CLTCL1: variants seen among roughly 807,000 people sequenced by gnomAD.
The protein encoded by CLTCL1 is clathrin heavy chain like 1.
Under a neutral mutation model 190.0 loss-of-function variants are expected in CLTCL1, and 159 were observed. That is an observed-to-expected ratio of 0.84 (90% CI 0.74 to 0.95). The LOEUF (loss-of-function observed/expected upper bound fraction) is 0.95. Among genes scored for constraint, CLTCL1 ranks in the 40% least tolerant of loss-of-function variants. The pLI is 0.00. For missense variants in CLTCL1, 1,878 were observed against 2,033.4 expected, an observed-to-expected ratio of 0.92 and a Z score of 1.47; for synonymous variants, 752 against 769.6, an observed-to-expected ratio of 0.98 and a Z score of 0.38.
At chr22:19,221,644 A>C in intron 16 of CLTCL1, 33 bp from the exon 17 acceptor site, 1 of 1,528,942 alleles carries the variant, frequency 6.5e-7, no homozygotes. Context: ...TAAAGTCTCA[A>C]GGCTACCACT....
At chr22:19,211,387 G>T (rs1383839804) in intron 19 of CLTCL1, among the ~76,000 whole-genome samples, 1 of 152,136 alleles carries the variant, frequency 6.6e-6, no homozygotes, top group African/African-American at 2.4e-5. Context: ...TGTGCTGGAG[G>T]TTCTGGTTAA....
In CLTCL1 at chr22:19,200,216, G is replaced by A. The variant is rs59081331; in HGVS notation, c.3766-375C>T. On this transcript the variant is annotated intron_variant, in intron 23 of 32. Transcript: ENST00000427926. ...ATCTGAGTGTTGTTTTCACGGGGGA[G>A]CTTGTTTTAATAGTTTTTTAGACTA... Among the ~76,000 whole-genome samples the A allele has an allele frequency of 9.4e-3, 1,434 of 152,280 alleles. 34 individuals carry two copies. The highest frequency in any genetic ancestry group is 0.069 in the East Asian group (357 of 5,190).
intron 29 of CLTCL1, among the ~76,000 whole-genome samples, chr22:19,185,783 T>C (rs1274108176): frequency 6.6e-6 from 1 of 152,218 alleles, no homozygotes; most frequent in Non-Finnish European, 1.5e-5. Flanking sequence ...GCTGTGTGTT[T>C]AAGCCCCTGA....
At chr22:19,287,641 T>G (rs1246550411) in intron 1 of CLTCL1, among the ~76,000 whole-genome samples, 1 of 152,114 alleles carries the variant, frequency 6.6e-6, no homozygotes, top group Non-Finnish European at 1.5e-5. Context: ...AAAGCTAGCA[T>G]GACCATCAAG....
chr22:19,232,943 A>G lies in CLTCL1; in HGVS notation c.1521+223T>C, dbSNP rs376944658. ...AGAGAGGGAGAGAAAAAACAAGATAAAGCTCCCAAATAAAACGAAGATGGA... is the reference window on the plus strand; with the variant it reads ...AGAGAGGGAGAGAAAAAACAAGATAGAGCTCCCAAATAAAACGAAGATGGA... On this transcript the variant is annotated intron_variant, in intron 9 of 32. Transcript: ENST00000427926. The G allele has an allele frequency of 1.5e-4, 89 of 589,438 alleles. No homozygotes were observed. In the African/African-American group the frequency reaches 1.5e-3, roughly 10 times the overall value. 36.5% of individuals were successfully genotyped at this position (589,438 alleles called of 1,614,324 possible). A position where few individuals can be genotyped will look rare whatever the true frequency, so the allele number is the denominator to read the frequency against.
intron 1 of CLTCL1, among the ~76,000 whole-genome samples, chr22:19,287,590 G>C (rs1431286253): frequency 6.6e-6 from 1 of 152,148 alleles, no homozygotes; most frequent in Non-Finnish European, 1.5e-5. Context: ...CTGTGTGCTG[G>C]AGAATGGATC....
Position 19,233,563 on chromosome 22 carries a change from G to A in CLTCL1, c.1227C>T (p.Gly409=). 6.2e-7 allele frequency: 1 copy of A among 1,613,796 alleles called. No homozygotes were observed. The change falls in exon 8 of 33, where the codon GGC becomes GGT. Residue 409 remains glycine (G), a synonymous_variant. Transcript: ENST00000427926. Reference sequence around the variant, plus strand: ...AGTACTGCAGCAATGGAGAAGCCTGGCCAGACTGAGCGGGTATACTCTGGA... The same window carrying A: ...AGTACTGCAGCAATGGAGAAGCCTGACCAGACTGAGCGGGTATACTCTGGA... ...QKFQSIPAQS[G]QASPLLQYFG...
intron 3 of CLTCL1, among the ~76,000 whole-genome samples, chr22:19,249,161 C>T (rs1430490136): frequency 2.0e-5 from 3 of 152,104 alleles, no homozygotes; most frequent in Admixed American, 6.5e-5. Context: ...GAGTTTGAGA[C>T]CATCCTGGCT....
chr22:19,220,494 A>G (rs1555951720), intron 17 of CLTCL1, among the ~76,000 whole-genome samples: 2 of 152,242 alleles, frequency 1.3e-5, no homozygotes, highest in African/African-American at 4.8e-5. Flanking sequence ...TCAAGATCTA[A>G]AAACTGTAAA....
intron 20 of CLTCL1, chr22:19,209,441 AG>A (rs747214609): frequency 8.7e-5 from 20 of 229,490 alleles, no homozygotes; most frequent in Non-Finnish European, 1.6e-4. Context: ...AACAGAGCAT[AG>A]AAACTGTAAA....
At chr22:19,265,097 A>G (rs2087077603) in intron 2 of CLTCL1, among the ~76,000 whole-genome samples, 1 of 152,280 alleles carries the variant, frequency 6.6e-6, no homozygotes, top group Non-Finnish European at 1.5e-5. Context: ...CCGAAATTTG[A>G]TACAATTTAT....
intron 13 of CLTCL1, among the ~76,000 whole-genome samples, chr22:19,224,287 AT>A (rs1555954499): frequency 6.6e-6 from 1 of 152,188 alleles, no homozygotes; most frequent in Non-Finnish European, 1.5e-5. Flanking sequence ...AATACTAGAT[AT>A]TTGGTACAAG....
At chr22:19,205,880 T>C (rs1328784709) in intron 22 of CLTCL1, among the ~76,000 whole-genome samples, 1 of 152,134 alleles carries the variant, frequency 6.6e-6, no homozygotes, top group Non-Finnish European at 1.5e-5. Context: ...CAGAATTACA[T>C]GATGAACTTT....
intron 2 of CLTCL1, chr22:19,257,987 A>G (rs1306452886): frequency 3.3e-6 from 2 of 604,214 alleles, no homozygotes; most frequent in African/African-American, 1.9e-5. Flanking sequence ...GCACACTGAC[A>G]ATGCCCATCT....
In CLTCL1 at chr22:19,245,759, T is replaced by A. The variant is rs73377869; in HGVS notation, c.520-2823A>T. On this transcript the variant is annotated intron_variant, in intron 3 of 32. Transcript: ENST00000427926. Reference sequence around the variant, plus strand: ...ATATTTCATATAAATGGAATAACAATAAAATATGAGGCCTTTTGTGCCTCA... The same window carrying A: ...ATATTTCATATAAATGGAATAACAAAAAAATATGAGGCCTTTTGTGCCTCA... Among the ~76,000 whole-genome samples, 1,370 of 152,324 alleles carry A rather than the reference T, an allele frequency of 9.0e-3. 15 individuals are homozygous for A. Among genetic ancestry groups the A allele is most frequent in the African/African-American group, 0.032 (1,320 of 41,568 alleles).
chr22:19,289,149 A>G (rs1467929309), intron 1 of CLTCL1, among the ~76,000 whole-genome samples: 1 of 152,106 alleles, frequency 6.6e-6, no homozygotes, highest in Non-Finnish European at 1.5e-5. Flanking sequence ...ACGCCCGGCT[A>G]ATACTGTATT....
At chr22:19,274,880 C>T (rs1387024251) in intron 2 of CLTCL1, among the ~76,000 whole-genome samples, 1 of 152,050 alleles carries the variant, frequency 6.6e-6, no homozygotes, top group Non-Finnish European at 1.5e-5. Flanking sequence ...GCATGCGCCA[C>T]CACGCCCAGC....
At chr22:19,253,412 C>G (rs1555971042) in intron 3 of CLTCL1, among the ~76,000 whole-genome samples, 1 of 152,180 alleles carries the variant, frequency 6.6e-6, no homozygotes. Flanking sequence ...GGGCCACGGT[C>G]CCTCCCTGCC....
At chr22:19,272,421 G>A (rs538976272) in intron 2 of CLTCL1, among the ~76,000 whole-genome samples, 92 of 152,266 alleles carry the variant, frequency 6.0e-4, no homozygotes, top group African/African-American at 1.9e-3. Flanking sequence ...CATGAGGACA[G>A]GCTGCAATGG....
Sources: gnomAD v4.1 joint callset for allele counts (sites outside exome capture counted in the v4.1 genomes callset) on GRCh38, gnomAD v4.1.1 for gene constraint, MANE v1.5 for transcripts, NCBI Gene and HGNC (gene_info 2026-07-23, HGNC 2026-07-21) for gene names.